The following PCDHA2 variants were observed in gnomAD, a reference collection of about 807,000 sequenced individuals.
PCDHA2 encodes the protein protocadherin alpha-2.
In PCDHA2, 58 loss-of-function variants were observed where a neutral mutation model predicts 66.0. The ratio of observed to expected loss-of-function variants is 0.88; its 90% CI spans 0.71 to 1.09. PCDHA2 has a LOEUF of 1.09. PCDHA2 is among the 50% of genes least tolerant of loss of function. The probability of loss-of-function intolerance (pLI) is 0.00; values close to 1 mark genes in which losing one functional copy is unlikely to be tolerated. For missense variants in PCDHA2, 1,267 were observed against 1,242.3 expected (o/e 1.02, Z -0.30); for synonymous variants, 634 against 554.0 (o/e 1.14, Z -2.03).
intron 1 of PCDHA2, chr5:140,802,641 G>A (rs781988680): frequency 6.2e-7 from 1 of 1,613,784 alleles, no homozygotes; most frequent in African/African-American, 1.3e-5. Context: ...TGCGCGGGAC[G>A]CGGACGCGCA....
chr5:140,843,456 T>G (rs2150360448), intron 1 of PCDHA2: 3 of 1,595,898 alleles, frequency 1.9e-6, no homozygotes, highest in Admixed American at 3.4e-5. Flanking sequence ...AGCCTGCTGG[T>G]GCTCACGCTG....
At chr5:140,907,099 C>T (rs2073164781) in intron 1 of PCDHA2, among the ~76,000 whole-genome samples, 1 of 152,108 alleles carries the variant, frequency 6.6e-6, no homozygotes, top group Admixed American at 6.5e-5. Flanking sequence ...GGTGCCACTT[C>T]CACTTCCACC....
intron 1 of PCDHA2, among the ~76,000 whole-genome samples, chr5:140,947,763 A>C (rs1392881813): frequency 1.3e-5 from 2 of 151,658 alleles, no homozygotes; most frequent in Non-Finnish European, 3.0e-5. Context: ...TGGTTTAAAA[A>C]ATTCTATTGT....
chr5:140,953,648 A>C (rs2094921161), intron 1 of PCDHA2, among the ~76,000 whole-genome samples: 1 of 152,150 alleles, frequency 6.6e-6, no homozygotes, highest in Non-Finnish European at 1.5e-5. Flanking sequence ...CAGGAGCTAT[A>C]GTTGTTATCT....
intron 1 of PCDHA2, chr5:140,805,335 G>T (rs1763546103): frequency 8.1e-7 from 1 of 1,231,160 alleles, no homozygotes; most frequent in Non-Finnish European, 1.0e-6. Flanking sequence ...TGATGTCAAT[G>T]ATCATTTTGT....
chr5:140,841,274 C>T (rs1554138057), intron 1 of PCDHA2: 4 of 1,518,268 alleles, frequency 2.6e-6, no homozygotes. Context: ...TACAGTCGTT[C>T]ATCTTTATAT....
At chr5:140,914,116 A>T (rs2076611706) in intron 1 of PCDHA2, among the ~76,000 whole-genome samples, 1 of 152,128 alleles carries the variant, frequency 6.6e-6, no homozygotes. Flanking sequence ...ATTAAGTCTG[A>T]TGTTTCTTTG....
chr5:140,851,507 AAT>A, intron 1 of PCDHA2: 1 of 903,816 alleles, frequency 1.1e-6, no homozygotes, highest in Non-Finnish European at 1.3e-6. Flanking sequence ...ACTTATATAA[AAT>A]ATGTTTTAAA....
chr5:140,823,086 C>G (rs2150122075), intron 1 of PCDHA2: 43 of 1,613,882 alleles, frequency 2.7e-5, no homozygotes, highest in Middle Eastern at 1.7e-4. Flanking sequence ...TGTGGGCCAC[C>G]GCCAGCGTGT....
In PCDHA2 at chr5:140,855,924, G is replaced by A. The variant is rs990164410; in HGVS notation, c.2388+58572G>A. 3.2e-5 allele frequency: 40 copies of A among 1,236,784 alleles called. 2 individuals are homozygous for A. In the Admixed American group the frequency reaches 7.8e-4, roughly 24 times the overall value. 76.6% of individuals were successfully genotyped at this position (1,236,784 alleles called of 1,614,324 possible). A position where few individuals can be genotyped will look rare whatever the true frequency, so the allele number is the denominator to read the frequency against. On this transcript the variant is annotated intron_variant, in intron 1 of 3. Coordinates refer to ENST00000526136, the MANE Select transcript of PCDHA2 (RefSeq NM_018905.3). ...CCAGTTTCTCAAGGACTAGGAAGTA[G>A]CGTCATTCTGAGATCTCAGCCATTT...
chr5:140,808,628 G>C (rs782443934), intron 1 of PCDHA2: 1 of 1,613,622 alleles, frequency 6.2e-7, no homozygotes. Flanking sequence ...GTCTGCGTGG[G>C]ACGCGGACGC....
intron 1 of PCDHA2, chr5:140,883,989 G>A (rs1554180956): frequency 6.2e-7 from 1 of 1,612,952 alleles, no homozygotes; most frequent in Non-Finnish European, 8.5e-7. Flanking sequence ...GGCAGCGCGG[G>A]AGGCACAGTG....
chr5:140,834,418 G>A (rs1248577104), intron 1 of PCDHA2: 19 of 1,611,550 alleles, frequency 1.2e-5, no homozygotes, highest in Non-Finnish European at 1.6e-5. Context: ...CCAGGGGGCC[G>A]ACATCTACTG....
intron 1 of PCDHA2, among the ~76,000 whole-genome samples, chr5:140,926,200 G>A (rs1050721250): frequency 6.6e-6 from 1 of 151,674 alleles, no homozygotes; most frequent in Non-Finnish European, 1.5e-5. Context: ...ACTTCTTTCG[G>A]GGGGCTCCTG....
At chr5:140,870,778 G>GACA (rs2052395482) in intron 1 of PCDHA2, 1 of 1,613,502 alleles carries the variant, frequency 6.2e-7, no homozygotes, top group Non-Finnish European at 8.5e-7. Flanking sequence ...GGACGAGAAC[G>GACA]ACAACGCGCC....
chr5:140,842,590 G>T (rs2150340027), intron 1 of PCDHA2: 1 of 1,530,304 alleles, frequency 6.5e-7, no homozygotes, highest in Admixed American at 1.8e-5. Context: ...CCTATGAGTT[G>T]GTGGTAACCG....
intron 1 of PCDHA2, among the ~76,000 whole-genome samples, chr5:140,886,582 C>A (rs1304608793): frequency 6.6e-6 from 1 of 151,938 alleles, no homozygotes; most frequent in African/African-American, 2.4e-5. Flanking sequence ...AATCCCAGCA[C>A]TTTGGGAGGC....
At chr5:140,986,397 C>T (rs943993265) in intron 3 of PCDHA2, among the ~76,000 whole-genome samples, 8 of 152,280 alleles carry the variant, frequency 5.3e-5, no homozygotes, top group Admixed American at 3.9e-4. Flanking sequence ...AAGGGCCAGT[C>T]GCTCATGTTA....
chr5:140,842,282 G>A (rs2150333421), intron 1 of PCDHA2: 1 of 1,610,576 alleles, frequency 6.2e-7, no homozygotes, highest in Admixed American at 1.7e-5. Flanking sequence ...AATCCTCATT[G>A]ACGCCACGGA....
Sources: gnomAD v4.1 joint callset for allele counts (sites outside exome capture counted in the v4.1 genomes callset) on GRCh38, gnomAD v4.1.1 for gene constraint, MANE v1.5 for transcripts, NCBI Gene and HGNC (gene_info 2026-07-23, HGNC 2026-07-21) for gene names.